Variants in GDAP1 observed in about 807,000 individuals in gnomAD.
GDAP1 encodes ganglioside-induced differentiation-associated protein 1.
A neutral mutation model predicts 40.1 loss-of-function variants in GDAP1; 34 were observed. The ratio of observed to expected loss-of-function variants is 0.85; its 90% CI spans 0.64 to 1.13. The LOEUF is 1.13. GDAP1 is among the 50% of genes most tolerant of loss of function. The pLI, the probability that GDAP1 is intolerant of heterozygous loss-of-function variation, is 0.00. For missense variants in GDAP1, 374 were observed against 433.7 expected (o/e 0.86, Z 1.22); for synonymous variants, 170 against 157.4 (o/e 1.08, Z -0.60).
At chr8:74,469,042 T>C (rs797007268) in intron 2 of GDAP1, among the ~76,000 whole-genome samples, 10 of 152,304 alleles carry the variant, frequency 6.6e-5, no homozygotes, top group African/African-American at 2.2e-4. Flanking sequence ...TCCTCAGATA[T>C]ATGCATATGA....
At chr8:74,431,730 G>A (rs1209353685) in intron 2 of GDAP1, among the ~76,000 whole-genome samples, 2 of 151,758 alleles carry the variant, frequency 1.3e-5, no homozygotes, top group Non-Finnish European at 2.9e-5. Flanking sequence ...ATCTGCCTGC[G>A]TCGGCCTCCC....
chr8:74,411,771 A>G (rs568608318), intron 2 of GDAP1, among the ~76,000 whole-genome samples: 1 of 148,886 alleles, frequency 6.7e-6, no homozygotes, highest in East Asian at 1.9e-4. Context: ...AGTCCTAGCT[A>G]CTTGGGACAC....
At chr8:74,362,607 T>C (rs1809423673) in intron 4 of GDAP1, among the ~76,000 whole-genome samples, 1 of 152,138 alleles carries the variant, frequency 6.6e-6, no homozygotes, top group Admixed American at 6.5e-5. Flanking sequence ...ACTCTTTCAA[T>C]TACGGCTGCT....
chr8:74,439,054 GTGTA>G (rs955941276), intron 2 of GDAP1, among the ~76,000 whole-genome samples: 16 of 151,746 alleles, frequency 1.1e-4, no homozygotes, highest in East Asian at 7.7e-4. Context: ...GTGTGTGTGT[GTGTA>G]TATAACTTTT....
intron 2 of GDAP1, among the ~76,000 whole-genome samples, chr8:74,469,124 T>G (rs535422592): frequency 5.9e-5 from 9 of 152,254 alleles, no homozygotes; most frequent in Non-Finnish European, 1.2e-4. Context: ...CCCAATTTGG[T>G]CTTAGTGGAT....
intron 2 of GDAP1, among the ~76,000 whole-genome samples, chr8:74,383,096 C>G (rs910045936): frequency 6.6e-6 from 1 of 152,182 alleles, no homozygotes; most frequent in Non-Finnish European, 1.5e-5. Context: ...CAAGGTATAA[C>G]ACTCAAGTTA....
intron 2 of GDAP1, among the ~76,000 whole-genome samples, chr8:74,472,182 A>C (rs780708651): frequency 1.3e-5 from 2 of 152,138 alleles, no homozygotes; most frequent in Non-Finnish European, 2.9e-5. Flanking sequence ...AAGTAAGACT[A>C]TGTTGTATTT....
rs6994039 is a variant in GDAP1 at position 74,434,863 on chromosome 8, G to T, written c.166-53815G>T. ...AAAGTGCTCATCTTCCAACAGAATTGGGTTTAAACATAGATATTCCAAATT... is the reference window on the plus strand; with the variant it reads ...AAAGTGCTCATCTTCCAACAGAATTTGGTTTAAACATAGATATTCCAAATT... On this transcript the variant is annotated intron_variant, in intron 2 of 2. Transcript: ENST00000523640. Among the ~76,000 whole-genome samples, 1,190 of 152,208 alleles carry T rather than the reference G, an allele frequency of 7.8e-3. 22 individuals are homozygous for T. The highest frequency in any genetic ancestry group is 0.027 in the African/African-American group (1,129 of 41,536).
chr8:74,354,630 C>G (rs1700195333), intron 2 of GDAP1, among the ~76,000 whole-genome samples: 1 of 152,058 alleles, frequency 6.6e-6, no homozygotes. Context: ...TTTAAAAAAC[C>G]AGCTGCATTC....
chr8:74,365,310 G>GT lies in GDAP1; in HGVS notation c.*943_*944insT, dbSNP rs1288421018. 1 of 453,898 alleles carries GT rather than the reference G, an allele frequency of 2.2e-6. No homozygotes were observed. Among genetic ancestry groups the GT allele is most frequent in the Non-Finnish European group, 4.4e-6 (1 of 226,800 alleles). 28.1% of individuals were successfully genotyped at this position (453,898 alleles called of 1,614,324 possible). On this transcript the variant is annotated 3_prime_UTR_variant, in exon 6 of 6. Transcript: ENST00000220822. ...ATCATCAACAAAGACTTGTTAGAAA[G>GT]GTCTAGTCTTAGCACTTGGCAGTTA... is the stretch of plus-strand genomic sequence containing the variant.
intron 2 of GDAP1, among the ~76,000 whole-genome samples, chr8:74,457,583 C>A (rs533558387): frequency 4.6e-5 from 7 of 152,026 alleles, no homozygotes; most frequent in Admixed American, 1.3e-4. Flanking sequence ...TTTGTTCAGG[C>A]GGAATAAACA....
intron 2 of GDAP1, among the ~76,000 whole-genome samples, chr8:74,391,478 C>T (rs754257538): frequency 6.6e-6 from 1 of 151,650 alleles, no homozygotes; most frequent in Non-Finnish European, 1.5e-5. Flanking sequence ...TGATGCCCCA[C>T]CCTGCTTCTG....
chr8:74,356,767 T>A (rs1169792867), intron 2 of GDAP1, among the ~76,000 whole-genome samples: 1 of 143,972 alleles, frequency 6.9e-6, no homozygotes, highest in African/African-American at 2.6e-5. Flanking sequence ...CAGGCTGGAG[T>A]GCAGTGGCGC....
At chr8:74,363,869 G>A in intron 5 of GDAP1, 116 bp from the exon 6 acceptor site, 1 of 812,498 alleles carries the variant, frequency 1.2e-6, no homozygotes, top group Non-Finnish European at 2.1e-6. Context: ...AATATATAAT[G>A]TCCTTCATCT....
intron 2 of GDAP1, among the ~76,000 whole-genome samples, chr8:74,467,147 A>G (rs867367336): frequency 3.3e-5 from 5 of 152,236 alleles, no homozygotes; most frequent in Admixed American, 2.0e-4. Context: ...AAGCAAAGCC[A>G]TCAGCTGAGA....
rs997328084 is a variant in GDAP1, at chr8:74,459,795, T to C, written c.166-28883T>C. On this transcript the variant is annotated intron_variant, in intron 2 of 2. Coordinates refer to the GDAP1 transcript ENST00000523640. Reference sequence around the variant, plus strand: ...CTTCTTTAGAATATATTTGATGTTTTATATGAATAATTCTGAAAATGTACA... The same window carrying C: ...CTTCTTTAGAATATATTTGATGTTTCATATGAATAATTCTGAAAATGTACA... Among the ~76,000 whole-genome samples the C allele has an allele frequency of 3.3e-5, 5 of 152,242 alleles. No individual in the cohort carries two copies. In the East Asian group the frequency reaches 9.6e-4, roughly 29 times the overall value.
intron 2 of GDAP1, among the ~76,000 whole-genome samples, chr8:74,425,641 A>G (rs1197419829): frequency 6.6e-6 from 1 of 152,198 alleles, no homozygotes; most frequent in African/African-American, 2.4e-5. Flanking sequence ...CAGAAAAGAA[A>G]GTTGAGTATT....
chr8:74,360,006 G>A lies in GDAP1; in HGVS notation c.311-131G>A, dbSNP rs114324198. On this transcript the variant is annotated intron_variant, in intron 2 of 5. Coordinates refer to ENST00000220822, the MANE Select transcript of GDAP1 (RefSeq NM_018972.4). ...ACTTTGAATGAATGTCTGAGGTGAG[G>A]AGACAGTGTTTTTTGAATATACAGA... The A allele has an allele frequency of 8.0e-3, 5,783 of 721,910 alleles. 41 individuals are homozygous for A. Among genetic ancestry groups the A allele is most frequent in the Non-Finnish European group, 8.8e-3 (3,551 of 403,798 alleles). 44.7% of individuals were successfully genotyped at this position (721,910 alleles called of 1,614,324 possible).
intron 2 of GDAP1, among the ~76,000 whole-genome samples, chr8:74,403,352 G>A (rs946546561): frequency 4.7e-5 from 7 of 150,110 alleles, no homozygotes; most frequent in South Asian, 2.1e-4. Context: ...AAGAAGAGGG[G>A]ATTGCAAACA....
Sources: allele counts gnomAD v4.1 joint callset (sites outside exome capture counted in the v4.1 genomes callset), GRCh38; gene constraint gnomAD v4.1.1; transcripts MANE v1.5; gene names NCBI Gene and HGNC (gene_info 2026-07-23, HGNC 2026-07-21).